EPHA4: variants seen among roughly 807,000 people sequenced by gnomAD.
The protein encoded by EPHA4 is EPH receptor A4, also known as ephrin type-A receptor 4.
Under a neutral mutation model 108.3 loss-of-function variants are expected in EPHA4, and 19 were observed. That is an observed-to-expected ratio of 0.18 (90% confidence interval 0.12 to 0.26). The LOEUF (loss-of-function observed/expected upper bound fraction) is 0.26, where lower values mean the gene tolerates loss of function less well. EPHA4 is among the 10% of genes least tolerant of loss of function. The pLI is 1.00. For synonymous variants in EPHA4, 449 were observed against 455.5 expected, an observed-to-expected ratio of 0.99 and a Z score of 0.18; for missense variants, 917 against 1,254.0, an observed-to-expected ratio of 0.73 and a Z score of 4.06.
intron 1 of EPHA4, 76 bp from the exon 2 acceptor site, chr2:221,568,861 GTTTCCATA>G: frequency 8.1e-7 from 1 of 1,227,508 alleles, no homozygotes. Flanking sequence ...TTGCCTGAGC[GTTTCCATA>G]TGTGCTGAGG....
chr2:221,456,317 C>T (rs1690951139), intron 7 of EPHA4, among the ~76,000 whole-genome samples: 5 of 152,098 alleles, frequency 3.3e-5, no homozygotes, highest in Admixed American at 1.3e-4. Flanking sequence ...CTCAATTTGT[C>T]AGTTTAGTAA....
chr2:221,425,749 A>G lies in EPHA4; in HGVS notation c.*279T>C, dbSNP rs1689879435. On this transcript the variant is annotated 3_prime_UTR_variant, in exon 17 of 18. Transcript: ENST00000281821. ...CATCAAAACTCAGAGGCAGTGTTCT[A>G]TTTCTATAGGTACATGTATTTTACA... 1 of 326,080 alleles carries G rather than the reference A, an allele frequency of 3.1e-6. No individual in the cohort carries two copies. The highest frequency in any genetic ancestry group is 2.1e-5 in the African/African-American group (1 of 46,734). 20.2% of individuals were successfully genotyped at this position (326,080 alleles called of 1,614,324 possible).
chr2:221,554,323 C>T (rs747585353), intron 3 of EPHA4, among the ~76,000 whole-genome samples: 10 of 152,342 alleles, frequency 6.6e-5, no homozygotes, highest in East Asian at 5.8e-4. Context: ...TAGACTGCAA[C>T]GTCTAGCTAT....
intron 3 of EPHA4, chr2:221,502,597 T>C (rs755298019): frequency 4.2e-6 from 2 of 471,096 alleles, no homozygotes; most frequent in Admixed American, 2.3e-5. Context: ...ATCATCTCAC[T>C]GTCACTACTC....
intron 5 of EPHA4, among the ~76,000 whole-genome samples, chr2:221,459,412 C>T (rs1691072665): frequency 6.6e-6 from 1 of 151,770 alleles, no homozygotes; most frequent in African/African-American, 2.4e-5. Flanking sequence ...TGTCCTCCAT[C>T]AAAGGCAATC....
chr2:221,513,577 T>C (rs1198834536), intron 3 of EPHA4, among the ~76,000 whole-genome samples: 1 of 152,152 alleles, frequency 6.6e-6, no homozygotes, highest in Non-Finnish European at 1.5e-5. Flanking sequence ...AATGCTACAG[T>C]TATTAGCAAC....
At chr2:221,456,873 C>A in intron 6 of EPHA4, 101 bp from the exon 7 acceptor site, 1 of 1,309,054 alleles carries the variant, frequency 7.6e-7, no homozygotes, top group Non-Finnish European at 1.1e-6. Context: ...AACTCAGAAA[C>A]TGAAAGTAAA....
At chr2:221,455,743 TGAA>T (rs1690927776) in intron 7 of EPHA4, 85 bp from the exon 8 acceptor site, 1 of 926,766 alleles carries the variant, frequency 1.1e-6, no homozygotes, top group East Asian at 2.6e-5. Context: ...TTCAGTGTTC[TGAA>T]GCCACTTGGA....
rs1192520090 is a variant in EPHA4 at position 221,572,299 on chromosome 2, A to G, written c.-51T>C. 6.6e-7 allele frequency: 1 copy of G among 1,515,060 alleles called. No individual in the cohort carries two copies. The highest frequency in any genetic ancestry group is 1.1e-5 in the South Asian group (1 of 89,050). 93.9% of individuals were successfully genotyped at this position (1,515,060 alleles called of 1,614,324 possible). On this transcript the variant is annotated 5_prime_UTR_variant, in exon 1 of 18. Transcript: ENST00000281821. Reference sequence around the variant, plus strand: ...TGCCGCTTCTATCCCAGTGGAATAAATGCTTAAGTTAGGAGAGCAGCGGGC... The same window carrying G: ...TGCCGCTTCTATCCCAGTGGAATAAGTGCTTAAGTTAGGAGAGCAGCGGGC...
chr2:221,512,661 C>T (rs945197785), intron 3 of EPHA4, among the ~76,000 whole-genome samples: 4 of 152,144 alleles, frequency 2.6e-5, no homozygotes, highest in Non-Finnish European at 4.4e-5. Context: ...TCACACTAGC[C>T]CGTCTGAATT....
chr2:221,459,672 A>G (rs1055369264), intron 5 of EPHA4, among the ~76,000 whole-genome samples: 2 of 152,156 alleles, frequency 1.3e-5, no homozygotes, highest in African/African-American at 4.8e-5. Context: ...TAGAGGTAGC[A>G]AGGAGGCTAA....
chr2:221,533,314 C>A (rs1693574687), intron 3 of EPHA4, among the ~76,000 whole-genome samples: 1 of 152,272 alleles, frequency 6.6e-6, no homozygotes, highest in Non-Finnish European at 1.5e-5. Flanking sequence ...CCTCTTTAAT[C>A]TGGTTTCTCT....
intron 17 of EPHA4, among the ~76,000 whole-genome samples, chr2:221,424,451 TAA>T (rs1171095768): frequency 1.4e-5 from 2 of 145,680 alleles, no homozygotes; most frequent in Non-Finnish European, 3.0e-5. Context: ...AACTCTTGTT[TAA>T]AAGTGATAAA....
At chr2:221,445,337 C>A (rs1001606367) in intron 9 of EPHA4, among the ~76,000 whole-genome samples, 2 of 152,012 alleles carry the variant, frequency 1.3e-5, no homozygotes, top group Non-Finnish European at 2.9e-5. Context: ...CACCTGTAAT[C>A]CCAGCGCTTT....
chr2:221,562,941 A>G (rs1694513010), intron 3 of EPHA4, among the ~76,000 whole-genome samples: 1 of 152,210 alleles, frequency 6.6e-6, no homozygotes, highest in African/African-American at 2.4e-5. Context: ...ACTTAGTAAT[A>G]TGGTAAGTAG....
chr2:221,536,677 A>G (rs1693679740), intron 3 of EPHA4, among the ~76,000 whole-genome samples: 1 of 152,242 alleles, frequency 6.6e-6, no homozygotes, highest in East Asian at 1.9e-4. Flanking sequence ...AGAATGATTG[A>G]AACATAATGT....
At chr2:221,566,815 AAGG>A (rs959524965) in intron 2 of EPHA4, among the ~76,000 whole-genome samples, 3 of 143,862 alleles carry the variant, frequency 2.1e-5, no homozygotes, top group Admixed American at 7.2e-5. Context: ...GAAGAAGAAG[AAGG>A]AGAAGAAGGA....
Position 221,528,184 on chromosome 2 carries a change from G to A in EPHA4, c.824-27012C>T, listed in dbSNP as rs548107190. Among the ~76,000 whole-genome samples the A allele has an allele frequency of 9.9e-5, 15 of 152,252 alleles. No individual in the cohort carries two copies. In the East Asian group the frequency reaches 2.1e-3, roughly 22 times the overall value. ...AATCCATAGTAAAAGTCTGATAAGC[G>A]TCTCTTAGGTGAAAGAGCAAACATA... On this transcript the variant is annotated intron_variant, in intron 3 of 17. Coordinates refer to ENST00000281821, the MANE Select transcript of EPHA4 (RefSeq NM_004438.5).
intron 3 of EPHA4, among the ~76,000 whole-genome samples, chr2:221,523,383 G>A (rs1693232637): frequency 6.6e-6 from 1 of 151,744 alleles, no homozygotes; most frequent in African/African-American, 2.4e-5. Flanking sequence ...CGCCTCCCAA[G>A]TTCAAGCAAT....
Sources: allele counts gnomAD v4.1 joint callset (sites outside exome capture counted in the v4.1 genomes callset), GRCh38; gene constraint gnomAD v4.1.1; transcripts MANE v1.5; gene names NCBI Gene and HGNC (gene_info 2026-07-23, HGNC 2026-07-21).